Variants in OGDH observed in about 807,000 individuals in gnomAD.
OGDH encodes the protein oxoglutarate dehydrogenase.
OGDH carries 38 observed loss-of-function variants against 116.6 expected under a neutral mutation model. The ratio of observed to expected loss-of-function variants is 0.33; its 90% CI spans 0.25 to 0.43. The LOEUF is 0.43. OGDH is among the 20% of genes least tolerant of loss of function. The pLI is 1.00. For synonymous variants in OGDH, 488 were observed against 533.3 expected (o/e 0.92, Z 1.17); for missense variants, 825 against 1,357.2 (o/e 0.61, Z 6.16).
intron 20 of OGDH, 87 bp downstream of exon 20, chr7:44,701,702 A>G (rs1788838942): frequency 7.7e-7 from 1 of 1,295,352 alleles, no homozygotes; most frequent in Non-Finnish European, 1.1e-6. Context: ...CATGGGACTG[A>G]CATTTGTGAT....
intron 10 of OGDH, among the ~76,000 whole-genome samples, chr7:44,693,437 T>C (rs567097310): frequency 1.3e-5 from 2 of 151,996 alleles, no homozygotes; most frequent in Non-Finnish European, 2.9e-5. Context: ...TGAGACCCTA[T>C]CTCTACAAAA....
At position 44,694,364 on chromosome 7, in the gene OGDH, C is replaced by A; in HGVS notation, c.1516-60C>A. On this transcript the variant is annotated intron_variant, in intron 11 of 22. Coordinates refer to ENST00000222673, the MANE Select transcript of OGDH (RefSeq NM_002541.4). This position sits in a 1 kb window ranked among gnomAD's most constrained non-coding sequence, Gnocchi z 4.2. ...AGGAGAGATGGGGCAGGTGCCTGAA[C>A]AGCACTTCTTCCCAAGGGGCCAGCC... 1.3e-6 allele frequency: 2 copies of A among 1,594,204 alleles called. No homozygotes were observed. Among genetic ancestry groups the A allele is most frequent in the Non-Finnish European group, 1.7e-6 (2 of 1,170,186 alleles).
intron 5 of OGDH, among the ~76,000 whole-genome samples, chr7:44,670,275 G>A (rs1185164504): frequency 4.6e-5 from 7 of 152,174 alleles, no homozygotes; most frequent in Admixed American, 3.9e-4. Context: ...CATGGGCAGA[G>A]CCTGGGTAGC....
chr7:44,646,340 T>C (rs1451049173), intron 3 of OGDH, among the ~76,000 whole-genome samples: 1 of 152,234 alleles, frequency 6.6e-6, no homozygotes, highest in African/African-American at 2.4e-5. Flanking sequence ...GTCTTTTCTC[T>C]CATGCTTTGG....
intron 2 of OGDH, among the ~76,000 whole-genome samples, chr7:44,641,050 C>A (rs1353468890): frequency 6.8e-6 from 1 of 146,336 alleles, no homozygotes; most frequent in African/African-American, 2.5e-5. Context: ...CACACCACCA[C>A]CCCCAGCTAA....
Position 44,697,365 on chromosome 7 carries a change from C to G in OGDH, c.2052-5C>G, listed in dbSNP as rs1185638387. Reference sequence around the variant, plus strand: ...CTAATTATTACCTCTGTTGTCCTGTCTCAGCCACCGCCACCATGTGCTCCA... The same window carrying G: ...CTAATTATTACCTCTGTTGTCCTGTGTCAGCCACCGCCACCATGTGCTCCA... On this transcript the variant is annotated splice_region_variant and splice_polypyrimidine_tract_variant and intron_variant, in intron 15 of 22. Transcript: ENST00000222673. This position sits in a 1 kb window ranked among gnomAD's most constrained non-coding sequence, Gnocchi z 6.0. 1.1e-5 allele frequency: 18 copies of G among 1,614,040 alleles called. No individual in the cohort carries two copies. The highest frequency in any genetic ancestry group is 4.0e-5 in the African/African-American group (3 of 74,894).
chr7:44,664,004 A>G (rs1039419254), intron 4 of OGDH, among the ~76,000 whole-genome samples: 1 of 152,122 alleles, frequency 6.6e-6, no homozygotes. Context: ...CGATTCTAAC[A>G]TATTGGTCAT....
chr7:44,701,465 T>C, intron 19 of OGDH, 78 bp from the exon 20 acceptor site: 2 of 1,266,524 alleles, frequency 1.6e-6, no homozygotes, highest in South Asian at 2.4e-5. Context: ...GGTCAAGGCT[T>C]GGGTAGCCTT....
intron 2 of OGDH, among the ~76,000 whole-genome samples, chr7:44,634,937 C>G (rs1426189573): frequency 6.6e-6 from 1 of 152,174 alleles, no homozygotes; most frequent in Non-Finnish European, 1.5e-5. Flanking sequence ...TAGGGAGTAC[C>G]CTGTTTGGAC....
Position 44,696,347 on chromosome 7 carries a change from C to G in OGDH, c.1772-82C>G. The G allele has an allele frequency of 2.0e-6, 3 of 1,531,092 alleles. No individual in the cohort carries two copies. In the East Asian group the frequency reaches 6.8e-5, roughly 34 times the overall value. The allele number at this position is 1,531,092 out of a possible 1,614,324, so 94.8% of individuals were successfully genotyped here. ...CTACATTGTCTCTCACCCTGCTTCT[C>G]CCCAAAATCACGTGTCTGCCATTTT... is the stretch of plus-strand genomic sequence containing the variant. On this transcript the variant is annotated intron_variant, in intron 13 of 22. Transcript: ENST00000222673.
At chr7:44,675,930 C>G (rs769901476) in intron 8 of OGDH, 40 bp from the exon 9 acceptor site, 15 of 1,598,840 alleles carry the variant, frequency 9.4e-6, no homozygotes, top group Non-Finnish European at 1.2e-5. Flanking sequence ...GACTGAGCAT[C>G]TCCTTGGCCA....
rs539585871 is a variant in OGDH at position 44,683,423 on chromosome 7, A to T, written c.1335+1575A>T. On this transcript the variant is annotated intron_variant, in intron 10 of 22. Transcript: ENST00000222673. Reference sequence around the variant, plus strand: ...TTTTTTTATTTTGTGTAGAGGCGGGATGTCACTCTGTTACCGAGGCTGCTC... The same window carrying T: ...TTTTTTTATTTTGTGTAGAGGCGGGTTGTCACTCTGTTACCGAGGCTGCTC... Among the ~76,000 whole-genome samples the T allele has an allele frequency of 2.1e-3, 321 of 151,448 alleles. 1 individual carries two copies. Among genetic ancestry groups the T allele is most frequent in the Middle Eastern group, 3.4e-3 (1 of 294 alleles).
At chr7:44,631,615 AATT>A (rs1350653861) in intron 2 of OGDH, among the ~76,000 whole-genome samples, 5 of 152,178 alleles carry the variant, frequency 3.3e-5, no homozygotes, top group African/African-American at 1.2e-4. Flanking sequence ...AGGGTGATAA[AATT>A]ATAACCTCTT....
intron 4 of OGDH, among the ~76,000 whole-genome samples, chr7:44,657,565 G>A (rs1786745979): frequency 6.6e-6 from 1 of 152,180 alleles, no homozygotes; most frequent in Non-Finnish European, 1.5e-5. Context: ...CTTTTGCAGA[G>A]CAGAAGTTTT....
At chr7:44,617,161 G>A (rs1233793890) in intron 1 of OGDH, among the ~76,000 whole-genome samples, 1 of 151,548 alleles carries the variant, frequency 6.6e-6, no homozygotes, top group African/African-American at 2.4e-5. Flanking sequence ...TCAAACTCCT[G>A]ATCTCAGGTG....
At chr7:44,625,568 G>A (rs1585236520) in intron 2 of OGDH, among the ~76,000 whole-genome samples, 1 of 152,226 alleles carries the variant, frequency 6.6e-6, no homozygotes, top group Non-Finnish European at 1.5e-5. Context: ...GTAATAAGAG[G>A]GTAGGTCCCA....
At chr7:44,666,959 AT>A (rs1445124225) in intron 5 of OGDH, 108 bp downstream of exon 5, 1 of 680,292 alleles carries the variant, frequency 1.5e-6, no homozygotes, top group Non-Finnish European at 2.4e-6. Flanking sequence ...TTTCTATTTT[AT>A]TTTTTCTCTG....
Position 44,708,078 on chromosome 7 carries a change from C to T in OGDH, c.*79C>T, listed in dbSNP as rs1164160178. On this transcript the variant is annotated 3_prime_UTR_variant, in exon 23 of 23. Coordinates refer to ENST00000222673, the MANE Select transcript of OGDH (RefSeq NM_002541.4). Reference sequence around the variant, plus strand: ...TTGCTTCTCAACTAAAGAATAGTGCCTCAGCGCTGCCCACACCACCGCCCT... The same window carrying T: ...TTGCTTCTCAACTAAAGAATAGTGCTTCAGCGCTGCCCACACCACCGCCCT... 1.0e-5 allele frequency: 16 copies of T among 1,542,640 alleles called. No individual in the cohort carries two copies. In the East Asian group the frequency reaches 3.6e-4, roughly 35 times the overall value.
chr7:44,648,346 A>C (rs1786282704), intron 4 of OGDH, among the ~76,000 whole-genome samples: 2 of 152,168 alleles, frequency 1.3e-5, no homozygotes, highest in African/African-American at 4.8e-5. Context: ...TATGGAGCAC[A>C]CTGGGGTTTT....
Sources: allele counts gnomAD v4.1 joint callset (sites outside exome capture counted in the v4.1 genomes callset), GRCh38; gene constraint gnomAD v4.1.1; non-coding constraint Gnocchi (gnomAD v3.1); transcripts MANE v1.5; gene names NCBI Gene and HGNC (gene_info 2026-07-23, HGNC 2026-07-21).